AP4B1: variants seen among roughly 807,000 people sequenced by gnomAD.
The protein encoded by AP4B1 is adaptor related protein complex 4 subunit beta 1.
A neutral mutation model predicts 76.5 loss-of-function variants in AP4B1; 49 were observed. The ratio of observed to expected loss-of-function variants is 0.64; its 90% CI spans 0.51 to 0.81. The LOEUF is 0.81. Ranked by LOEUF, AP4B1 falls within the 40% of genes least tolerant of loss-of-function variation. The probability of loss-of-function intolerance (pLI) is 0.00; values close to 1 mark genes in which losing one functional copy is unlikely to be tolerated. For synonymous variants in AP4B1, 330 were observed against 333.3 expected, an observed-to-expected ratio of 0.99 and a Z score of 0.11; for missense variants, 911 against 904.9, an observed-to-expected ratio of 1.01 and a Z score of -0.09.
At position 113,895,213 on chromosome 1, in the gene AP4B1, C is replaced by G; in HGVS notation, c.2072G>C (p.Cys691Ser). 6.2e-7 allele frequency: 1 copy of G among 1,614,178 alleles called. No homozygotes were observed. The highest frequency in any genetic ancestry group is 8.5e-7 in the Non-Finnish European group (1 of 1,180,038). Residue 691 changes from cysteine to serine, a missense_variant, in exon 10 of 10, where the codon TGT becomes TCT. Cys to Ser is a moderately radical substitution (Grantham distance 112). Coordinates refer to ENST00000369569, the MANE Select transcript of AP4B1 (RefSeq NM_001253852.3). ...CAATAGCAGTTCTGTTAAGAACAGA[C>G]AGCCAGTATCATCCTGAGCACTGAG... The part of the protein sequence containing the change: ...AYLSAQDDTG[C>S]LFLTELLLEP...
rs758680166 is a variant in AP4B1 at position 113,901,321 on chromosome 1, TCAC to T, written c.529_531del (p.Val177del). 1.9e-6 allele frequency: 3 copies of T among 1,614,066 alleles called. No homozygotes were observed. Among genetic ancestry groups the T allele is most frequent in the Non-Finnish European group, 2.5e-6 (3 of 1,179,972 alleles). On this transcript the variant is annotated inframe_deletion, in exon 4 of 10. Coordinates refer to ENST00000369569, the MANE Select transcript of AP4B1 (RefSeq NM_001253852.3). The stretch of plus-strand genomic sequence containing the variant: ...ATTTCCTCTAGAGACCTCAAGCAGT[TCAC>T]AACTACAATTGGATCCTGGTCACGC...
In AP4B1 at chr1:113,902,657, G is replaced by GT; in HGVS notation, c.318dup (p.Arg107ThrfsTer5). 2 of 1,613,290 alleles carry GT rather than the reference G, an allele frequency of 1.2e-6. No homozygotes were observed. The highest frequency in any genetic ancestry group is 8.5e-7 in the Non-Finnish European group (1 of 1,180,018). On this transcript the variant is annotated frameshift_variant, in exon 2 of 10. Coordinates refer to ENST00000369569, the MANE Select transcript of AP4B1 (RefSeq NM_001253852.3). LOFTEE classifies it high-confidence loss of function. ...ACTCACCTGAGGCTACACATGCTCCGTAACGCCAGCCCTCGCACCATTGGA... is the reference window on the plus strand; with the variant it reads ...ACTCACCTGAGGCTACACATGCTCCGTTAACGCCAGCCCTCGCACCATTGGA...
intron 7 of AP4B1, chr1:113,896,898 C>G: frequency 4.6e-6 from 1 of 215,118 alleles, no homozygotes; most frequent in Non-Finnish European, 9.4e-6. Context: ...AATCCCAGCA[C>G]TTTGGGAGGC....
At position 113,895,054 on chromosome 1, in the gene AP4B1, A is replaced by C. The variant is rs558088187; in HGVS notation, c.*11T>G. ...TTATTCATCTTACTCTAGACAAGCA[A>C]CAAGACTCTGTTATGATTTTATTTC... On this transcript the variant is annotated 3_prime_UTR_variant, in exon 10 of 10. Transcript: ENST00000369569. 6.2e-7 allele frequency: 1 copy of C among 1,611,404 alleles called. No individual in the cohort carries two copies. The highest frequency in any genetic ancestry group is 1.7e-5 in the Admixed American group (1 of 59,728).
At chr1:113,902,580 C>G in intron 2 of AP4B1, 58 bp downstream of exon 2, 1 of 1,537,336 alleles carries the variant, frequency 6.5e-7, no homozygotes. Context: ...AAAAACCTAC[C>G]CTGTGATCAC....
chr1:113,901,345 C>T lies in AP4B1; in HGVS notation c.508G>A (p.Asp170Asn), dbSNP rs1318833868. 3.1e-6 allele frequency: 5 copies of T among 1,613,958 alleles called. No individual in the cohort carries two copies. Among genetic ancestry groups the T allele is most frequent in the Non-Finnish European group, 8.5e-7 (1 of 1,180,006 alleles). Residue 170 changes from aspartate (D) to asparagine (N), a missense_variant, in exon 4 of 10, where the codon GAC becomes AAC. Coordinates refer to ENST00000369569, the MANE Select transcript of AP4B1 (RefSeq NM_001253852.3). ...TTCACAACTACAATTGGATCCTGGT[C>T]ACGCAGCAAACTGTATAATTCATTT... ...LVNELYSLLR[D>N]QDPIVVVNCL...
chr1:113,897,642 T>C (rs1405035917), intron 7 of AP4B1, 198 bp downstream of exon 7: 3 of 631,852 alleles, frequency 4.7e-6, no homozygotes, highest in South Asian at 3.8e-5. Context: ...ATCACAGTTT[T>C]GTAATAAAAC....
At position 113,904,665 on chromosome 1, in the gene AP4B1, C is replaced by CA; in HGVS notation, c.52dup (p.Cys18LeufsTer8). 6.2e-7 allele frequency: 1 copy of CA among 1,613,292 alleles called. No individual in the cohort carries two copies. Among genetic ancestry groups the CA allele is most frequent in the Non-Finnish European group, 8.5e-7 (1 of 1,180,034 alleles). On this transcript the variant is annotated frameshift_variant, in exon 1 of 10. Coordinates refer to ENST00000369569, the MANE Select transcript of AP4B1 (RefSeq NM_001253852.3). LOFTEE classifies it high-confidence loss of function. The stretch of plus-strand genomic sequence containing the variant: ...CCTATCAGCTTGAATGTGAGGATTG[C>CA]ACAGAGCCTTCTTCAGCTCCTTCAC...
At position 113,895,404 on chromosome 1, in the gene AP4B1, A is replaced by T; in HGVS notation, c.1881T>A (p.Thr627=). ...ALMLVPNRQL[T]ADYFEKTWLS... ...GCCAAGTTTTCTCAAAATAATCAGCAGTAAGCTGGCGATTGGGGACTAGCA... is the reference window on the plus strand; with the variant it reads ...GCCAAGTTTTCTCAAAATAATCAGCTGTAAGCTGGCGATTGGGGACTAGCA... Residue 627 remains threonine, a synonymous_variant, in exon 10 of 10, where the codon ACT becomes ACA. Transcript: ENST00000369569. The T allele has an allele frequency of 3.1e-6, 5 of 1,614,244 alleles. No homozygotes were observed. The highest frequency in any genetic ancestry group is 4.2e-6 in the Non-Finnish European group (5 of 1,180,048).
chr1:113,904,941 CCGT>C, upstream of AP4B1: 1 of 528,694 alleles, frequency 1.9e-6, no homozygotes, highest in Non-Finnish European at 3.4e-6. Context: ...TCAGGCCCTA[CCGT>C]CGGCCGGCAG....
Position 113,896,115 on chromosome 1 carries a change from GA to G in AP4B1, c.1511-78del, listed in dbSNP as rs1365791431. 9.3e-6 allele frequency: 15 copies of G among 1,604,354 alleles called. No homozygotes were observed. The African/African-American group carries it at 1.9e-4, about 20-fold the overall frequency. ...TACTCTTGTGCCAACCATAATAGGA[GA>G]AAAAAATGAAGGAGAGAGGAAAACC... On this transcript the variant is annotated intron_variant, in intron 8 of 9. Transcript: ENST00000369569.
Position 113,902,847 on chromosome 1 carries a change from G to A in AP4B1, c.129C>T (p.Gly43=), listed in dbSNP as rs763413131. Residue 43 remains glycine, a synonymous_variant, in exon 2 of 10, where the codon GGC becomes GGT. Transcript: ENST00000369569. ...CCATAAAAACACCAGACATGTCCAA[G>A]CCTTGAGTCATGTACCTGAACAACG... is the stretch of plus-strand genomic sequence containing the variant. ...IQRVIRYMTQ[G]LDMSGVFMEM... 1 of 1,614,126 alleles carries A rather than the reference G, an allele frequency of 6.2e-7. No homozygotes were observed. The highest frequency in any genetic ancestry group is 8.5e-7 in the Non-Finnish European group (1 of 1,180,010).
Position 113,896,348 on chromosome 1 carries a change from T to C in AP4B1, c.1420A>G (p.Met474Val). The change falls in exon 8 of 10, where the codon ATG becomes GTG. Residue 474 changes from methionine (M) to valine (V), a missense_variant. By Grantham distance (21) the Met-to-Val change is conservative. Transcript: ENST00000369569. ...VKSETFPAVK[M>V]ELLTALLRLF... is the part of the protein sequence containing the mutation. ...CGCAGCAAAGCAGTGAGCAGCTCCATCTTAACAGCTGGAAATGTTTCCGAC... is the reference window on the plus strand; with the variant it reads ...CGCAGCAAAGCAGTGAGCAGCTCCACCTTAACAGCTGGAAATGTTTCCGAC... 1 of 1,614,206 alleles carries C rather than the reference T, an allele frequency of 6.2e-7. No individual in the cohort carries two copies. Among genetic ancestry groups the C allele is most frequent in the East Asian group, 2.2e-5 (1 of 44,884 alleles).
At position 113,895,370 on chromosome 1, in the gene AP4B1, T is replaced by G. The variant is rs1667333101; in HGVS notation, c.1915A>C (p.Lys639Gln). 6.2e-7 allele frequency: 1 copy of G among 1,614,228 alleles called. No homozygotes were observed. The highest frequency in any genetic ancestry group is 1.3e-5 in the African/African-American group (1 of 75,060). Residue 639 changes from lysine to glutamine, a missense_variant, in exon 10 of 10, where the codon AAA becomes CAA. Physicochemically the swap from Lys to Gln is moderately conservative, Grantham distance 53. Transcript: ENST00000369569. Reference sequence around the variant, plus strand: ...GGCAACACTTGCTGATGAGCAACTTTAAGGCTAAGCCAAGTTTTCTCAAAA... The same window carrying G: ...GGCAACACTTGCTGATGAGCAACTTGAAGGCTAAGCCAAGTTTTCTCAAAA... ...DYFEKTWLSLKVAHQQVLPWR... is the reference protein window; with the variant it reads ...DYFEKTWLSLQVAHQQVLPWR...
rs915618468 is a variant in AP4B1 at position 113,894,546 on chromosome 1, T to C, written c.*519A>G. ...AAAGAAGCAGGTGTATAAAGGGAACTGCAATGCAAATGGTTTGCTTCTGCC... is the reference window on the plus strand; with the variant it reads ...AAAGAAGCAGGTGTATAAAGGGAACCGCAATGCAAATGGTTTGCTTCTGCC... On this transcript the variant is annotated 3_prime_UTR_variant, in exon 10 of 10. Transcript: ENST00000369569. Among the ~76,000 whole-genome samples the C allele has an allele frequency of 6.6e-6, 1 of 152,214 alleles. No homozygotes were observed. The highest frequency in any genetic ancestry group is 2.4e-5 in the African/African-American group (1 of 41,456).
chr1:113,894,868 A>G lies in AP4B1; in HGVS notation c.*197T>C. The stretch of plus-strand genomic sequence containing the variant: ...ATTAACCTCTACAACATCATCACTG[A>G]AAAATGGGGTCAATTGCCAATAGGA... On this transcript the variant is annotated 3_prime_UTR_variant, in exon 10 of 10. Coordinates refer to ENST00000369569, the MANE Select transcript of AP4B1 (RefSeq NM_001253852.3). 1.7e-6 allele frequency: 1 copy of G among 593,816 alleles called. No homozygotes were observed. The highest frequency in any genetic ancestry group is 2.9e-6 in the Non-Finnish European group (1 of 341,844). 36.8% of individuals were successfully genotyped at this position (593,816 alleles called of 1,614,324 possible).
chr1:113,898,192 A>G (rs1285934046), intron 6 of AP4B1: 2 of 236,698 alleles, frequency 8.4e-6, no homozygotes, highest in Non-Finnish European at 1.4e-5. Flanking sequence ...TGTAAAACAT[A>G]AAGCTGTATG....
Position 113,902,697 on chromosome 1 carries a change from G to T in AP4B1, c.279C>A (p.Asp93Glu), listed in dbSNP as rs1427848579. Residue 93 changes from aspartate to glutamate, a missense_variant, in exon 2 of 10, where the codon GAC (aspartate) becomes GAA (glutamate). Physicochemically the swap from Asp to Glu is conservative, Grantham distance 45. Transcript: ENST00000369569. ...GCACCATTGGATTGGGGTCTGAGCA[G>T]TCTTTGCACAGCGTATTGATGGCCA... Reference protein sequence around the residue: ...ALLAINTLCKDCSDPNPMVRG... With the variant: ...ALLAINTLCKECSDPNPMVRG... 1 of 1,614,184 alleles carries T rather than the reference G, an allele frequency of 6.2e-7. No homozygotes were observed. Among genetic ancestry groups the T allele is most frequent in the Admixed American group, 1.7e-5 (1 of 60,028 alleles).
intron 5 of AP4B1, 171 bp downstream of exon 5, chr1:113,899,727 AAAAAAC>A: frequency 9.4e-7 from 1 of 1,065,752 alleles, no homozygotes; most frequent in South Asian, 1.4e-5. Context: ...AAAAAAAAAC[AAAAAAC>A]AAAAAAAAAC....
Sources: allele counts gnomAD v4.1 joint callset (sites outside exome capture counted in the v4.1 genomes callset), GRCh38; gene constraint gnomAD v4.1.1; transcripts MANE v1.5; gene names NCBI Gene and HGNC (gene_info 2026-07-23, HGNC 2026-07-21).